Variants in SGCD observed in about 807,000 individuals in gnomAD.
SGCD encodes delta-sarcoglycan.
A neutral mutation model predicts 36.6 loss-of-function variants in SGCD; 18 were observed. The ratio of observed to expected loss-of-function variants is 0.49; its 90% CI spans 0.34 to 0.73. SGCD has a LOEUF of 0.73. SGCD is among the 30% of genes least tolerant of loss of function. The pLI is 0.01. For synonymous variants in SGCD, 133 were observed against 130.6 expected (o/e 1.02, Z -0.12); for missense variants, 387 against 346.7 (o/e 1.12, Z -0.92).
At chr5:156,293,220 T>G (rs1293369149) in intron 3 of SGCD, among the ~76,000 whole-genome samples, 2 of 152,100 alleles carry the variant, frequency 1.3e-5, no homozygotes, top group Admixed American at 1.3e-4. Context: ...AATTAGAGGG[T>G]GTATAATAAC....
intron 4 of SGCD, among the ~76,000 whole-genome samples, chr5:156,511,999 G>C (rs945207353): frequency 2.0e-5 from 3 of 152,178 alleles, no homozygotes; most frequent in Admixed American, 6.5e-5. Context: ...TTCGAGACCA[G>C]CCTGGCCAAG....
chr5:155,890,676 A>ATAGG (rs1222156459), intron 1 of SGCD, among the ~76,000 whole-genome samples: 4 of 151,784 alleles, frequency 2.6e-5, no homozygotes, highest in South Asian at 2.1e-4. Context: ...AGATAGATAG[A>ATAGG]TAGACAGATA....
intron 1 of SGCD, among the ~76,000 whole-genome samples, chr5:155,915,851 C>T (rs1439393290): frequency 6.6e-6 from 1 of 152,104 alleles, no homozygotes; most frequent in Non-Finnish European, 1.5e-5. Context: ...CAAATGTAGG[C>T]TTGGGAAAGG....
chr5:156,077,786 T>C (rs1477201025), intron 1 of SGCD, among the ~76,000 whole-genome samples: 1 of 152,184 alleles, frequency 6.6e-6, no homozygotes, highest in African/African-American at 2.4e-5. Context: ...CTGACACTAC[T>C]GTGTACTCAG....
At chr5:155,796,529 C>T in the SGCD span, among the ~76,000 whole-genome samples, 3 of 151,458 alleles carry the variant, frequency 2.0e-5, no homozygotes, top group African/African-American at 7.3e-5. Flanking sequence ...TTCGGCCGGG[C>T]GCGGTGGCTC....
At chr5:155,874,245 GC>G (rs1755718576) in intron 1 of SGCD, among the ~76,000 whole-genome samples, 2 of 152,036 alleles carry the variant, frequency 1.3e-5, no homozygotes, top group African/African-American at 4.8e-5. Context: ...AAAGGAAAGA[GC>G]TTTTTTTACA....
chr5:155,799,059 A>C, the SGCD span, among the ~76,000 whole-genome samples: 1 of 152,216 alleles, frequency 6.6e-6, no homozygotes, highest in Non-Finnish European at 1.5e-5. Context: ...GCATCATTGC[A>C]GTTTATGCCT....
intron 3 of SGCD, among the ~76,000 whole-genome samples, chr5:156,417,576 C>A (rs1462741646): frequency 6.6e-6 from 1 of 152,110 alleles, no homozygotes; most frequent in Non-Finnish European, 1.5e-5. Flanking sequence ...AAATCAAGGT[C>A]TGGCAGCATT....
chr5:156,393,230 T>C (rs1348565641), intron 3 of SGCD, among the ~76,000 whole-genome samples: 4 of 152,220 alleles, frequency 2.6e-5, no homozygotes, highest in Admixed American at 6.5e-5. Context: ...GTTCCTTTAC[T>C]ATGTGGTGAT....
intron 1 of SGCD, among the ~76,000 whole-genome samples, chr5:155,875,773 A>G (rs986216533): frequency 1.8e-4 from 27 of 151,988 alleles, no homozygotes; most frequent in Admixed American, 1.8e-3. Flanking sequence ...TTGAGGAGCG[A>G]GTGAAATCTC....
chr5:156,473,198 G>A (rs763228059), intron 3 of SGCD, among the ~76,000 whole-genome samples: 11 of 152,232 alleles, frequency 7.2e-5, no homozygotes, highest in African/African-American at 2.4e-4. Context: ...GATATACAAT[G>A]TTCCCATCTC....
chr5:156,757,722 C>T lies in SGCD; in HGVS notation c.699+18C>T. 1 of 1,596,598 alleles carries T rather than the reference C, an allele frequency of 6.3e-7. No individual in the cohort carries two copies. Among genetic ancestry groups the T allele is most frequent in the Non-Finnish European group, 8.5e-7 (1 of 1,171,498 alleles). On this transcript the variant is annotated intron_variant, in intron 8 of 8. Transcript: ENST00000337851. ...ATGGAGAGGTGAGGGATGAGAAGGA[C>T]AGAAGTTCAAAGAGCTACAGCTTCA... is the stretch of plus-strand genomic sequence containing the variant.
intron 3 of SGCD, among the ~76,000 whole-genome samples, chr5:156,360,870 G>A (rs536829613): frequency 2.5e-4 from 38 of 152,026 alleles, no homozygotes; most frequent in African/African-American, 8.7e-4. Flanking sequence ...CATTCTACTT[G>A]GATGCCAGAC....
intron 1 of SGCD, among the ~76,000 whole-genome samples, chr5:156,075,305 A>G (rs1760740809): frequency 6.6e-6 from 1 of 152,214 alleles, no homozygotes; most frequent in African/African-American, 2.4e-5. Context: ...GAATAGTAAA[A>G]CATGCTGACA....
intron 1 of SGCD, among the ~76,000 whole-genome samples, chr5:156,076,041 A>G (rs1014307192): frequency 4.6e-5 from 7 of 151,922 alleles, no homozygotes; most frequent in Non-Finnish European, 8.8e-5. Flanking sequence ...GACTAGTAGC[A>G]CTTATTTTGG....
intron 4 of SGCD, among the ~76,000 whole-genome samples, chr5:156,514,335 G>T (rs951941709): frequency 1.3e-5 from 2 of 152,158 alleles, no homozygotes; most frequent in African/African-American, 4.8e-5. Context: ...ACCTATTATT[G>T]TTCCACACCT....
intron 3 of SGCD, among the ~76,000 whole-genome samples, chr5:156,189,516 A>C (rs1002226704): frequency 3.9e-5 from 6 of 152,196 alleles, no homozygotes; most frequent in Non-Finnish European, 5.9e-5. Flanking sequence ...TCATTTAATT[A>C]AGATAATCTC....
chr5:155,732,350 C>A, the SGCD span, among the ~76,000 whole-genome samples: 1 of 152,164 alleles, frequency 6.6e-6, no homozygotes, highest in South Asian at 2.1e-4. Flanking sequence ...AAATTTGAGT[C>A]CAGGCGTGGT....
chr5:156,334,609 C>CTTTTTTTGTTTTTTTTTTTTTTT (rs1768232911), intron 2 of SGCD, among the ~76,000 whole-genome samples: 1 of 105,066 alleles, frequency 9.5e-6, no homozygotes, highest in Non-Finnish European at 1.8e-5. Context: ...GGTCTATTTT[C>CTTTTTTTGTTTTTTTTTTTTTTT]TTTTTTTTTT....
Sources: gnomAD v4.1 joint callset for allele counts (sites outside exome capture counted in the v4.1 genomes callset) on GRCh38, gnomAD v4.1.1 for gene constraint, MANE v1.5 for transcripts, NCBI Gene and HGNC (gene_info 2026-07-23, HGNC 2026-07-21) for gene names.